The following TBC1D22A variants were observed in gnomAD, a reference collection of about 807,000 sequenced individuals.
TBC1D22A encodes TBC1 domain family member 22A, also known as putative GTPase activator.
In TBC1D22A, 38 loss-of-function variants were observed where a neutral mutation model predicts 60.2. The observed-to-expected ratio is 0.63, with a 90% CI of 0.49 to 0.83. The LOEUF (loss-of-function observed/expected upper bound fraction) is 0.83. Among genes scored for constraint, TBC1D22A ranks in the 40% least tolerant of loss-of-function variants. TBC1D22A has a pLI of 0.00. For missense variants in TBC1D22A, 628 were observed against 701.0 expected (o/e 0.90, Z 1.18); for synonymous variants, 302 against 281.7 (o/e 1.07, Z -0.72).
intron 4 of TBC1D22A, 31 bp downstream of exon 4, chr22:46,797,651 C>T: frequency 6.4e-7 from 1 of 1,557,010 alleles, no homozygotes; most frequent in Non-Finnish European, 8.7e-7. Flanking sequence ...AGGACACACA[C>T]AGACATTTCT....
intron 12 of TBC1D22A, among the ~76,000 whole-genome samples, chr22:47,129,736 A>G (rs2066616830): frequency 6.6e-6 from 1 of 152,258 alleles, no homozygotes; most frequent in Non-Finnish European, 1.5e-5. Context: ...TTTTTATTTA[A>G]TCAAAGCTAT....
intron 8 of TBC1D22A, among the ~76,000 whole-genome samples, chr22:46,921,751 G>GTT (rs201148203): frequency 2.8e-5 from 4 of 145,112 alleles, no homozygotes; most frequent in African/African-American, 1.0e-4. Context: ...CACAGCATCT[G>GTT]TTTTTTTTTT....
rs141167474 is a variant in TBC1D22A, at chr22:46,894,122, A to T, written c.838-662A>T. Among the ~76,000 whole-genome samples, 181 of 152,272 alleles carry T rather than the reference A, an allele frequency of 1.2e-3. 2 individuals carry two copies. Among genetic ancestry groups the T allele is most frequent in the African/African-American group, 4.3e-3 (177 of 41,552 alleles). On this transcript the variant is annotated intron_variant, in intron 6 of 12. Transcript: ENST00000337137. ...GGTGCCGTTGTCCTGGATAAACGGG[A>T]GCGTGGGCTAGTGTGAGATGTTCAC...
chr22:46,972,439 C>T (rs556957185), intron 8 of TBC1D22A, among the ~76,000 whole-genome samples: 10 of 152,234 alleles, frequency 6.6e-5, no homozygotes, highest in African/African-American at 1.9e-4. Context: ...GTGGCCTGGC[C>T]GTAGGGGTGC....
intron 11 of TBC1D22A, among the ~76,000 whole-genome samples, chr22:47,081,815 TGG>T (rs1569427287): frequency 6.6e-6 from 1 of 152,166 alleles, no homozygotes; most frequent in African/African-American, 2.4e-5. Context: ...TCTAAACATA[TGG>T]TGAGATATAC....
At chr22:47,155,150 G>A (rs889451048) in intron 12 of TBC1D22A, among the ~76,000 whole-genome samples, 1 of 152,062 alleles carries the variant, frequency 6.6e-6, no homozygotes, top group African/African-American at 2.4e-5. Flanking sequence ...TGATGGGGAC[G>A]CTCCATGCCG....
intron 1 of TBC1D22A, chr22:46,789,491 C>A: frequency 3.3e-6 from 1 of 307,232 alleles, no homozygotes. Context: ...CTGTAAGGGC[C>A]GGAATAGTTT....
At chr22:46,878,929 A>G (rs2067708310) in intron 5 of TBC1D22A, among the ~76,000 whole-genome samples, 1 of 152,230 alleles carries the variant, frequency 6.6e-6, no homozygotes, top group Non-Finnish European at 1.5e-5. Context: ...AGAAAACAAG[A>G]ATAGGTAATA....
At chr22:47,018,876 A>G (rs990005568) in intron 10 of TBC1D22A, among the ~76,000 whole-genome samples, 4 of 152,206 alleles carry the variant, frequency 2.6e-5, no homozygotes, top group African/African-American at 9.6e-5. Context: ...GGAGGAATTC[A>G]GTATGTGGCA....
intron 12 of TBC1D22A, among the ~76,000 whole-genome samples, chr22:47,120,568 G>T (rs1373152835): frequency 6.6e-6 from 1 of 152,268 alleles, no homozygotes; most frequent in Admixed American, 6.5e-5. Flanking sequence ...AGTGTAAGCA[G>T]CCTGGCAGAG....
intron 10 of TBC1D22A, among the ~76,000 whole-genome samples, chr22:47,004,266 TCCTATACACACACC>T (rs1231501811): frequency 1.4e-5 from 2 of 139,620 alleles, no homozygotes; most frequent in Non-Finnish European, 3.1e-5. Flanking sequence ...ATACACACAC[TCCTATACACACACC>T]CCTGCACACA....
At chr22:47,054,100 G>C (rs543759810) in intron 11 of TBC1D22A, among the ~76,000 whole-genome samples, 5 of 152,334 alleles carry the variant, frequency 3.3e-5, no homozygotes, top group African/African-American at 1.2e-4. Flanking sequence ...GTAGCAGCCA[G>C]TGCCCGAGCT....
At chr22:46,936,320 C>T (rs772807689) in intron 8 of TBC1D22A, among the ~76,000 whole-genome samples, 2 of 151,636 alleles carry the variant, frequency 1.3e-5, no homozygotes, top group East Asian at 1.9e-4. Context: ...AGGCTCCTCG[C>T]AGTTCTGCAC....
intron 10 of TBC1D22A, among the ~76,000 whole-genome samples, chr22:47,031,155 C>G (rs1282694963): frequency 6.6e-6 from 1 of 152,194 alleles, no homozygotes; most frequent in East Asian, 1.9e-4. Flanking sequence ...CCTGCCATCA[C>G]CTCTGGGTGG....
chr22:46,966,334 T>C (rs1293948316), intron 8 of TBC1D22A, among the ~76,000 whole-genome samples: 2 of 152,164 alleles, frequency 1.3e-5, no homozygotes, highest in Non-Finnish European at 1.5e-5. Flanking sequence ...TGCGTCCCTC[T>C]GTAACAGACG....
intron 8 of TBC1D22A, among the ~76,000 whole-genome samples, chr22:46,945,750 A>G (rs2072497183): frequency 6.6e-6 from 1 of 152,160 alleles, no homozygotes; most frequent in Admixed American, 6.5e-5. Flanking sequence ...CTGATGCAAT[A>G]TTACCTGCCT....
chr22:46,958,109 T>A (rs1016336462), intron 8 of TBC1D22A, among the ~76,000 whole-genome samples: 1 of 152,086 alleles, frequency 6.6e-6, no homozygotes, highest in Admixed American at 6.5e-5. Context: ...GTTACAGTGT[T>A]GAGTGTGGCT....
chr22:46,913,632 T>G, intron 8 of TBC1D22A: 1 of 985,434 alleles, frequency 1.0e-6, no homozygotes, highest in Non-Finnish European at 1.2e-6. Context: ...TGACAGATAA[T>G]GAAAATGCTC....
chr22:47,140,628 G>A (rs1385493468), intron 12 of TBC1D22A, among the ~76,000 whole-genome samples: 2 of 152,086 alleles, frequency 1.3e-5, no homozygotes, highest in Non-Finnish European at 2.9e-5. Flanking sequence ...GACAAGGCTC[G>A]TTTATCCGGA....
Sources: allele counts gnomAD v4.1 joint callset (sites outside exome capture counted in the v4.1 genomes callset), GRCh38; gene constraint gnomAD v4.1.1; transcripts MANE v1.5; gene names NCBI Gene and HGNC (gene_info 2026-07-23, HGNC 2026-07-21).